EPHB1: variants seen among roughly 807,000 people sequenced by gnomAD.
EPHB1 encodes EPH receptor B1.
EPHB1 carries 30 observed loss-of-function variants against 94.4 expected under a neutral mutation model. The observed-to-expected ratio is 0.32, with a 90% CI of 0.24 to 0.43. The LOEUF (loss-of-function observed/expected upper bound fraction) is 0.43. EPHB1 is among the 20% of genes least tolerant of loss of function. The pLI is 1.00. For synonymous variants in EPHB1, 522 were observed against 489.1 expected (o/e 1.07, Z -0.89); for missense variants, 1,055 against 1,308.3 (o/e 0.81, Z 2.99).
intron 1 of EPHB1, among the ~76,000 whole-genome samples, chr3:134,899,074 A>G (rs957390574): frequency 5.3e-5 from 8 of 151,804 alleles, no homozygotes; most frequent in African/African-American, 1.7e-4. Flanking sequence ...ATCACTTTCT[A>G]TTTTCTTATT....
intron 1 of EPHB1, among the ~76,000 whole-genome samples, chr3:134,809,758 A>G (rs1310044259): frequency 6.6e-6 from 1 of 152,224 alleles, no homozygotes; most frequent in East Asian, 1.9e-4. Context: ...CTGAGCATGC[A>G]GACTTCTGAG....
intron 3 of EPHB1, among the ~76,000 whole-genome samples, chr3:134,996,180 G>T (rs1471049510): frequency 6.6e-6 from 1 of 152,038 alleles, no homozygotes; most frequent in Non-Finnish European, 1.5e-5. Flanking sequence ...GTAACTTAAT[G>T]AATAATATTC....
chr3:135,034,871 C>T (rs1936596537), intron 3 of EPHB1, among the ~76,000 whole-genome samples: 1 of 152,214 alleles, frequency 6.6e-6, no homozygotes, highest in South Asian at 2.1e-4. Flanking sequence ...AGGATAGCCT[C>T]TGCCTGTAGG....
At chr3:134,855,757 G>A (rs569315840) in intron 1 of EPHB1, among the ~76,000 whole-genome samples, 1 of 152,192 alleles carries the variant, frequency 6.6e-6, no homozygotes, top group African/African-American at 2.4e-5. Context: ...CCCAGAACAG[G>A]GAAAAAGAAA....
At chr3:135,051,650 G>A (rs997349644) in intron 3 of EPHB1, among the ~76,000 whole-genome samples, 1 of 152,208 alleles carries the variant, frequency 6.6e-6, no homozygotes, top group Non-Finnish European at 1.5e-5. Context: ...ATTCATAAAT[G>A]GCTTTGACTG....
rs146291959 is a variant in EPHB1, at chr3:135,041,447, T to G, written c.806-65001T>G. Among the ~76,000 whole-genome samples the G allele has an allele frequency of 1.0e-3, 154 of 152,288 alleles. 4 individuals carry two copies. In the East Asian group the frequency reaches 0.026, roughly 26 times the overall value. On this transcript the variant is annotated intron_variant, in intron 3 of 15. Coordinates refer to ENST00000398015, the MANE Select transcript of EPHB1 (RefSeq NM_004441.5). Reference sequence around the variant, plus strand: ...ACATGGAGTTCCTCAAATGCAGGTATTCCAACTACACTTGTGCAAAGAACC... The same window carrying G: ...ACATGGAGTTCCTCAAATGCAGGTAGTCCAACTACACTTGTGCAAAGAACC...
chr3:135,180,602 T>C (rs1273569605), intron 10 of EPHB1, among the ~76,000 whole-genome samples: 2 of 152,210 alleles, frequency 1.3e-5, no homozygotes, highest in African/African-American at 4.8e-5. Context: ...CTTCCTGCAC[T>C]GGAATAGAAA....
intron 3 of EPHB1, among the ~76,000 whole-genome samples, chr3:135,076,838 A>G (rs904301251): frequency 2.0e-5 from 3 of 152,226 alleles, no homozygotes; most frequent in Admixed American, 6.5e-5. Flanking sequence ...TTGAAGCCAG[A>G]TTTTTGAAAA....
At chr3:134,963,626 A>C (rs987903311) in intron 3 of EPHB1, among the ~76,000 whole-genome samples, 1 of 152,112 alleles carries the variant, frequency 6.6e-6, no homozygotes, top group African/African-American at 2.4e-5. Context: ...TATTAGCCTC[A>C]TTTTTCCATT....
intron 2 of EPHB1, among the ~76,000 whole-genome samples, chr3:134,950,712 C>T (rs1425047723): frequency 1.3e-5 from 2 of 152,182 alleles, no homozygotes; most frequent in African/African-American, 4.8e-5. Context: ...GATCTGCCCC[C>T]ATAATCAAAT....
intron 3 of EPHB1, among the ~76,000 whole-genome samples, chr3:135,026,976 A>G (rs1464733431): frequency 1.9e-5 from 2 of 102,936 alleles, no homozygotes; most frequent in African/African-American, 7.5e-5. Flanking sequence ...CTTTGAAGCA[A>G]TTGTGAATGG....
intron 13 of EPHB1, among the ~76,000 whole-genome samples, chr3:135,244,568 C>A (rs1237675740): frequency 1.3e-5 from 2 of 152,196 alleles, no homozygotes; most frequent in Admixed American, 6.5e-5. Flanking sequence ...CAAACCTGGT[C>A]ATTGTCATTT....
intron 13 of EPHB1, among the ~76,000 whole-genome samples, chr3:135,241,628 T>A (rs6793828): frequency 6.6e-6 from 1 of 151,994 alleles, no homozygotes; most frequent in South Asian, 2.1e-4. Flanking sequence ...TGCTTCTAAG[T>A]GTTCAGGTTC....
chr3:135,148,528 C>T (rs916657625), intron 5 of EPHB1, among the ~76,000 whole-genome samples: 2 of 151,996 alleles, frequency 1.3e-5, no homozygotes, highest in African/African-American at 4.8e-5. Context: ...TGCCAGGCTG[C>T]ATCTTCGATA....
chr3:135,004,401 T>G (rs1935308482), intron 3 of EPHB1, among the ~76,000 whole-genome samples: 2 of 152,106 alleles, frequency 1.3e-5, no homozygotes, highest in African/African-American at 2.4e-5. Flanking sequence ...ATTTTTTCCT[T>G]CATTTCAACT....
chr3:134,934,349 C>T (rs2038959728), intron 2 of EPHB1, among the ~76,000 whole-genome samples: 1 of 152,174 alleles, frequency 6.6e-6, no homozygotes, highest in Non-Finnish European at 1.5e-5. Context: ...GGGTGAGAGC[C>T]AGGAAGCAGG....
intron 3 of EPHB1, among the ~76,000 whole-genome samples, chr3:135,092,326 G>T (rs1412870352): frequency 6.6e-6 from 1 of 152,064 alleles, no homozygotes; most frequent in African/African-American, 2.4e-5. Flanking sequence ...CCTTCTGTTG[G>T]GTGCCAGGGG....
rs1477290016 is a variant in EPHB1 at position 134,925,717 on chromosome 3, T to C, written c.59-99T>C. The C allele has an allele frequency of 3.0e-6, 3 of 993,586 alleles. No homozygotes were observed. The African/African-American group carries it at 5.0e-5, about 16-fold the overall frequency. The allele number at this position is 993,586 out of a possible 1,614,324, so 61.5% of individuals were successfully genotyped here. A position where few individuals can be genotyped will look rare whatever the true frequency, so the allele number is the denominator to read the frequency against. Reference sequence around the variant, plus strand: ...CACAAACCTCCTTGTAGTACTGTCATTTACTATCACAAACAACTTCGTGAC... The same window carrying C: ...CACAAACCTCCTTGTAGTACTGTCACTTACTATCACAAACAACTTCGTGAC... On this transcript the variant is annotated intron_variant, in intron 1 of 15. Coordinates refer to ENST00000398015, the MANE Select transcript of EPHB1 (RefSeq NM_004441.5).
At chr3:135,222,562 A>C (rs1486763173) in intron 12 of EPHB1, among the ~76,000 whole-genome samples, 2 of 152,210 alleles carry the variant, frequency 1.3e-5, no homozygotes, top group Non-Finnish European at 2.9e-5. Flanking sequence ...TCTTTCATGC[A>C]AATAGTGGCC....
Sources: gnomAD v4.1 joint callset for allele counts (sites outside exome capture counted in the v4.1 genomes callset) on GRCh38, gnomAD v4.1.1 for gene constraint, MANE v1.5 for transcripts, NCBI Gene and HGNC (gene_info 2026-07-23, HGNC 2026-07-21) for gene names.